SCN11A: variants seen among roughly 807,000 people sequenced by gnomAD.
SCN11A encodes sodium voltage-gated channel alpha subunit 11, also known as sodium channel protein type 11 subunit alpha.
SCN11A carries 122 observed loss-of-function variants against 162.2 expected under a neutral mutation model. The ratio of observed to expected loss-of-function variants is 0.75; its 90% CI spans 0.65 to 0.87. The LOEUF (loss-of-function observed/expected upper bound fraction) is 0.87, where lower values mean the gene tolerates loss of function less well. SCN11A is among the 40% of genes least tolerant of loss of function. The probability of loss-of-function intolerance (pLI) is 0.00; values close to 1 mark genes in which losing one functional copy is unlikely to be tolerated. For synonymous variants in SCN11A, 758 were observed against 751.5 expected (o/e 1.01, Z -0.14); for missense variants, 2,015 against 2,181.6 (o/e 0.92, Z 1.52).
intron 23 of SCN11A, among the ~76,000 whole-genome samples, chr3:38,878,353 T>C (rs556115642): frequency 1.6e-4 from 25 of 152,088 alleles, no homozygotes; most frequent in African/African-American, 6.0e-4. Flanking sequence ...ATCCTCATTT[T>C]TACCTGTGAG....
intron 2 of SCN11A, among the ~76,000 whole-genome samples, chr3:39,011,964 A>T (rs1337507139): frequency 1.3e-5 from 2 of 152,232 alleles, no homozygotes; most frequent in South Asian, 4.1e-4. Context: ...TTTAAAATAT[A>T]AATAAAAACA....
intron 2 of SCN11A, among the ~76,000 whole-genome samples, chr3:38,979,823 T>C (rs1051625173): frequency 2.6e-5 from 4 of 152,192 alleles, no homozygotes; most frequent in African/African-American, 7.2e-5. Flanking sequence ...TATGGGCAGG[T>C]TGCCTCTTAG....
chr3:38,968,223 G>A (rs556970838), intron 2 of SCN11A, among the ~76,000 whole-genome samples: 6 of 152,304 alleles, frequency 3.9e-5, no homozygotes, highest in South Asian at 2.1e-4. Context: ...ACACCTGACA[G>A]AAAATGTTCA....
At chr3:39,034,752 T>A (rs778593976) in intron 1 of SCN11A, among the ~76,000 whole-genome samples, 1 of 152,138 alleles carries the variant, frequency 6.6e-6, no homozygotes, top group Non-Finnish European at 1.5e-5. Context: ...ATAAACAAAT[T>A]CAGTAGAGTT....
chr3:38,936,891 C>CA (rs1301721518), intron 7 of SCN11A, among the ~76,000 whole-genome samples: 4 of 151,940 alleles, frequency 2.6e-5, no homozygotes, highest in African/African-American at 9.7e-5. Context: ...CATATGGAAC[C>CA]AAAAAAGAGC....
chr3:38,953,028 G>A (rs2066639735), intron 4 of SCN11A, among the ~76,000 whole-genome samples: 1 of 151,844 alleles, frequency 6.6e-6, no homozygotes, highest in South Asian at 2.1e-4. Context: ...TTACTGCAGA[G>A]GCGAAACACT....
At position 38,863,186 on chromosome 3, in the gene SCN11A, T is replaced by G. The variant is rs1193674121; in HGVS notation, c.4056+9A>C. 1 of 1,453,026 alleles carries G rather than the reference T, an allele frequency of 6.9e-7. No individual in the cohort carries two copies. The allele number at this position is 1,453,026 out of a possible 1,614,324, so 90.0% of individuals were successfully genotyped here. On this transcript the variant is annotated intron_variant, in intron 28 of 29. Coordinates refer to ENST00000302328, the MANE Select transcript of SCN11A (RefSeq NM_001349253.2). ...TTCTACATATTTACAGTCATTCAATTGCTCTCACCAGAGGCCGTGGAATGG... is the reference window on the plus strand; with the variant it reads ...TTCTACATATTTACAGTCATTCAATGGCTCTCACCAGAGGCCGTGGAATGG...
intron 19 of SCN11A, among the ~76,000 whole-genome samples, chr3:38,890,232 G>A (rs376817243): frequency 1.3e-4 from 20 of 152,320 alleles, no homozygotes; most frequent in African/African-American, 4.3e-4. Flanking sequence ...CTGAGAAGTT[G>A]AGAGGCTACT....
At chr3:38,963,443 A>T (rs1389472222) in intron 2 of SCN11A, among the ~76,000 whole-genome samples, 1 of 101,292 alleles carries the variant, frequency 9.9e-6, no homozygotes, top group Non-Finnish European at 1.8e-5. Flanking sequence ...ATATATATAT[A>T]TGATGGAGAT....
chr3:38,890,273 A>G (rs2065478013), intron 19 of SCN11A, among the ~76,000 whole-genome samples: 1 of 152,234 alleles, frequency 6.6e-6, no homozygotes. Context: ...AATTGTGCTT[A>G]AAAGAGTTTG....
At chr3:38,872,156 T>C (rs926440890) in intron 24 of SCN11A, 37 bp downstream of exon 24, 8 of 1,199,902 alleles carry the variant, frequency 6.7e-6, no homozygotes, top group Admixed American at 5.2e-5. Flanking sequence ...CCTTTCTCTG[T>C]TAACTGAACT....
chr3:38,857,810 T>C (rs1354398755), intron 28 of SCN11A, among the ~76,000 whole-genome samples: 2 of 152,088 alleles, frequency 1.3e-5, no homozygotes, highest in Non-Finnish European at 2.9e-5. Context: ...AGCAGAAACC[T>C]TACCAGCTGG....
At chr3:38,910,599 C>G (rs1341987254) in intron 11 of SCN11A, among the ~76,000 whole-genome samples, 1 of 152,126 alleles carries the variant, frequency 6.6e-6, no homozygotes, top group Non-Finnish European at 1.5e-5. Context: ...CTACACACAA[C>G]TTTTATAATA....
chr3:38,853,276 T>C (rs191697414), intron 28 of SCN11A, among the ~76,000 whole-genome samples: 5 of 152,178 alleles, frequency 3.3e-5, no homozygotes, highest in East Asian at 3.9e-4. Flanking sequence ...AGTGGTTGTA[T>C]AGCATGCATA....
At position 38,950,078 on chromosome 3, in the gene SCN11A, C is replaced by CCCCCCCCCCCCCCCCCCCCCCCCCG. The variant is rs1553644472; in HGVS notation, c.267+17_267+18insCGGGGGGGGGGGGGGGGGGGGGGGG. 2 of 139,974 alleles carry CCCCCCCCCCCCCCCCCCCCCCCCCG rather than the reference C, an allele frequency of 1.4e-5. No individual in the cohort carries two copies. Among genetic ancestry groups the CCCCCCCCCCCCCCCCCCCCCCCCCG allele is most frequent in the Admixed American group, 7.2e-5 (1 of 13,920 alleles). 8.7% of individuals were successfully genotyped at this position (139,974 alleles called of 1,614,324 possible). On this transcript the variant is annotated intron_variant, in intron 5 of 29. Transcript: ENST00000302328. Reference sequence around the variant, plus strand: ...GAACACCCCCACCCCCACCCCCCCCCCCCGCCCAATGAAGTACCTTATGAT... The same window carrying CCCCCCCCCCCCCCCCCCCCCCCCCG: ...GAACACCCCCACCCCCACCCCCCCCCCCCCCCCCCCCCCCCCCCCCCCCCGCCCGCCCAATGAAGTACCTTATGAT...
Position 38,871,543 on chromosome 3 carries a change from T to C in SCN11A, c.3661A>G (p.Thr1221Ala). The change falls in exon 25 of 30, where the codon ACA becomes GCA. Residue 1221 changes from threonine to alanine, a missense_variant. Physicochemically the swap from Thr to Ala is moderately conservative, Grantham distance 58. Transcript: ENST00000302328. ...CCACTTTCACATTGACTTTTATTTG[T>C]AATGATGGTATAATTTATAACTGAG... ...TDSVINYTII[T>A]NKSQCESGNF... 6.2e-7 allele frequency: 1 copy of C among 1,612,646 alleles called. No individual in the cohort carries two copies. Among genetic ancestry groups the C allele is most frequent in the Non-Finnish European group, 8.5e-7 (1 of 1,179,104 alleles).
chr3:38,861,710 C>G (rs1025678323), intron 28 of SCN11A, among the ~76,000 whole-genome samples: 6 of 152,066 alleles, frequency 3.9e-5, no homozygotes, highest in African/African-American at 1.4e-4. Context: ...GAAGCCAGAT[C>G]CTCATCTCTC....
At chr3:38,955,848 C>A (rs1233023071) in intron 3 of SCN11A, among the ~76,000 whole-genome samples, 1 of 152,114 alleles carries the variant, frequency 6.6e-6, no homozygotes, top group Non-Finnish European at 1.5e-5. Flanking sequence ...TGTCCTTAAC[C>A]GAAGAGTGCA....
chr3:38,921,498 C>T (rs2066052099), intron 9 of SCN11A, among the ~76,000 whole-genome samples: 1 of 152,180 alleles, frequency 6.6e-6, no homozygotes, highest in Admixed American at 6.5e-5. Flanking sequence ...CTATGCCTGC[C>T]TCAGTGCTGC....
Sources: gnomAD v4.1 joint callset for allele counts (sites outside exome capture counted in the v4.1 genomes callset) on GRCh38, gnomAD v4.1.1 for gene constraint, MANE v1.5 for transcripts, NCBI Gene and HGNC (gene_info 2026-07-23, HGNC 2026-07-21) for gene names.